The following DLGAP2 variants were observed in gnomAD, a reference collection of about 807,000 sequenced individuals.
The protein encoded by DLGAP2 is DLG associated protein 2.
DLGAP2 carries 26 observed loss-of-function variants against 100.3 expected under a neutral mutation model. The ratio of observed to expected loss-of-function variants is 0.26; its 90% confidence interval spans 0.19 to 0.36. DLGAP2 has a LOEUF of 0.36. Ranked by LOEUF, DLGAP2 falls within the 10% of genes least tolerant of loss-of-function variation. DLGAP2 has a pLI of 1.00. For synonymous variants in DLGAP2, 886 were observed against 630.1 expected (o/e 1.41, Z -6.08); for missense variants, 1,858 against 1,453.2 (o/e 1.28, Z -4.53).
intron 2 of DLGAP2, among the ~76,000 whole-genome samples, chr8:1,107,372 C>T (rs992167358): frequency 6.6e-6 from 1 of 152,210 alleles, no homozygotes; most frequent in East Asian, 1.9e-4. Flanking sequence ...GCACCCGGGC[C>T]TGCCTAGGCC....
chr8:1,678,130 C>G (rs1320868410), intron 11 of DLGAP2, 84 bp from the exon 12 acceptor site: 7 of 1,497,824 alleles, frequency 4.7e-6, no homozygotes, highest in Non-Finnish European at 6.3e-6. Flanking sequence ...CTCAGGTGCG[C>G]TCCTGACAGG....
At chr8:1,127,418 G>T (rs984131323) in intron 2 of DLGAP2, among the ~76,000 whole-genome samples, 1 of 151,550 alleles carries the variant, frequency 6.6e-6, no homozygotes, top group Admixed American at 6.6e-5. Flanking sequence ...AGGTCCCTTC[G>T]TGTGTGGAGG....
At chr8:1,155,812 G>C (rs1796773070) in intron 2 of DLGAP2, among the ~76,000 whole-genome samples, 1 of 152,202 alleles carries the variant, frequency 6.6e-6, no homozygotes, top group Non-Finnish European at 1.5e-5. Context: ...GGCATTCGTG[G>C]AATGAACACA....
chr8:1,082,391 T>C (rs1803841753), intron 2 of DLGAP2, among the ~76,000 whole-genome samples: 1 of 152,212 alleles, frequency 6.6e-6, no homozygotes, highest in African/African-American at 2.4e-5. Context: ...TTTCAAAATA[T>C]TGTCTGGATC....
intron 1 of DLGAP2, among the ~76,000 whole-genome samples, chr8:879,158 G>C (rs1020653618): frequency 2.0e-5 from 3 of 152,196 alleles, no homozygotes; most frequent in Non-Finnish European, 4.4e-5. Context: ...GGAGTTTGTG[G>C]ATGTGTCAGT....
intron 2 of DLGAP2, among the ~76,000 whole-genome samples, chr8:1,018,289 G>A (rs557018636): frequency 1.5e-4 from 23 of 152,240 alleles, no homozygotes; most frequent in African/African-American, 4.8e-4. Context: ...CATTGATTCC[G>A]GCTGATGTTC....
At chr8:1,269,105 A>C (rs904806991) in intron 3 of DLGAP2, among the ~76,000 whole-genome samples, 5 of 152,128 alleles carry the variant, frequency 3.3e-5, no homozygotes, top group African/African-American at 9.7e-5. Flanking sequence ...CTCCTAAGCA[A>C]CTGTACATTG....
At chr8:1,020,011 A>G (rs113283326) in intron 2 of DLGAP2, among the ~76,000 whole-genome samples, 72 of 152,364 alleles carry the variant, frequency 4.7e-4, no homozygotes, top group African/African-American at 1.7e-3. Context: ...CAAAGAAGTT[A>G]AGTTGCTTAA....
intron 2 of DLGAP2, among the ~76,000 whole-genome samples, chr8:996,348 T>G (rs1458774742): frequency 2.0e-5 from 3 of 152,172 alleles, no homozygotes; most frequent in Non-Finnish European, 4.4e-5. Flanking sequence ...GGCCCCAGTG[T>G]CACCATGGGA....
chr8:1,042,658 G>T (rs1438489070), intron 2 of DLGAP2, among the ~76,000 whole-genome samples: 1 of 152,174 alleles, frequency 6.6e-6, no homozygotes. Flanking sequence ...CCTCTGGGAA[G>T]TCCTGGGGGC....
At chr8:1,627,007 G>C (rs1478995240) in intron 7 of DLGAP2, 120 bp downstream of exon 7, 2 of 1,258,494 alleles carry the variant, frequency 1.6e-6, no homozygotes, top group African/African-American at 3.0e-5. Flanking sequence ...CTTGGGCAAG[G>C]CTACACCAAA....
At chr8:1,373,169 T>G (rs534577832) in intron 3 of DLGAP2, among the ~76,000 whole-genome samples, 14 of 152,298 alleles carry the variant, frequency 9.2e-5, no homozygotes, top group Non-Finnish European at 8.8e-5. Flanking sequence ...GCTTTGGCCG[T>G]TGGAGCGTTT....
chr8:1,628,232 G>T (rs569735935), intron 7 of DLGAP2, among the ~76,000 whole-genome samples: 1 of 135,312 alleles, frequency 7.4e-6, no homozygotes, highest in Non-Finnish European at 1.5e-5. Context: ...CATTCTTTCT[G>T]ACTTACTGTG....
intron 1 of DLGAP2, chr8:738,674 G>GGCGCT (rs1820391398): frequency 6.7e-6 from 1 of 149,082 alleles, no homozygotes; most frequent in African/African-American, 2.5e-5. Context: ...GCGCCCAGGT[G>GGCGCT]GGGCTGGGCT....
intron 3 of DLGAP2, among the ~76,000 whole-genome samples, chr8:1,289,443 G>T (rs1317198359): frequency 2.0e-5 from 3 of 152,138 alleles, no homozygotes; most frequent in Non-Finnish European, 2.9e-5. Flanking sequence ...TATTTTGCGG[G>T]GTTCCCTTCT....
chr8:1,627,202 T>A (rs192735260), intron 7 of DLGAP2, among the ~76,000 whole-genome samples: 38 of 152,342 alleles, frequency 2.5e-4, no homozygotes, highest in African/African-American at 9.1e-4. Flanking sequence ...CCCAGGCTAT[T>A]TTTCCAGTAA....
chr8:1,364,917 G>A (rs1802074873), intron 3 of DLGAP2, among the ~76,000 whole-genome samples: 1 of 152,150 alleles, frequency 6.6e-6, no homozygotes, highest in African/African-American at 2.4e-5. Context: ...TTAAAACTTG[G>A]AACAGCAGCG....
intron 12 of DLGAP2, among the ~76,000 whole-genome samples, chr8:1,689,710 A>G (rs1012069243): frequency 6.6e-6 from 1 of 152,162 alleles, no homozygotes; most frequent in Non-Finnish European, 1.5e-5. Flanking sequence ...CCAGCTCAGG[A>G]AAGACGGCCC....
At chr8:1,241,275 C>T (rs1409481456) in intron 2 of DLGAP2, among the ~76,000 whole-genome samples, 2 of 150,960 alleles carry the variant, frequency 1.3e-5, no homozygotes, top group Admixed American at 6.6e-5. Flanking sequence ...TCTCACATGG[C>T]TCCGTGTCTC....
Sources: allele counts gnomAD v4.1 joint callset (sites outside exome capture counted in the v4.1 genomes callset), GRCh38; gene constraint gnomAD v4.1.1; transcripts MANE v1.5; gene names NCBI Gene and HGNC (gene_info 2026-07-23, HGNC 2026-07-21).